STK10: variants seen among roughly 807,000 people sequenced by gnomAD.
STK10 encodes serine/threonine kinase 10, also known as serine/threonine-protein kinase 10.
In STK10, 78 loss-of-function variants were observed where a neutral mutation model predicts 113.8. That is an observed-to-expected ratio of 0.69 (90% confidence interval 0.57 to 0.83). The LOEUF (loss-of-function observed/expected upper bound fraction) is 0.83, where lower values mean the gene tolerates loss of function less well. Among genes scored for constraint, STK10 ranks in the 40% least tolerant of loss-of-function variants. The probability of loss-of-function intolerance (pLI) is 0.00; values close to 1 mark genes in which losing one functional copy is unlikely to be tolerated. For synonymous variants in STK10, 465 were observed against 494.7 expected (o/e 0.94, Z 0.80); for missense variants, 1,109 against 1,280.1 (o/e 0.87, Z 2.04).
At chr5:172,070,989 C>T (rs1048495595) in intron 12 of STK10, among the ~76,000 whole-genome samples, 1 of 151,754 alleles carries the variant, frequency 6.6e-6, no homozygotes, top group African/African-American at 2.4e-5. Context: ...GGGCAGATCA[C>T]CTGAAATCAG....
intron 3 of STK10, among the ~76,000 whole-genome samples, chr5:172,118,878 C>CAAAAAAAAAAA (rs3028101): frequency 0.11 from 7,591 of 70,284 alleles, 618 homozygotes; most frequent in Non-Finnish European, 0.13. Context: ...GACTCAGTCT[C>CAAAAAAAAAAA]AAAAAAAAAA....
Position 172,063,667 on chromosome 5 carries a change from CA to C in STK10, c.2082+1052del, listed in dbSNP as rs1767982439. On this transcript the variant is annotated intron_variant, in intron 13 of 18. Transcript: ENST00000176763. ...TCTTCCTAATCGTGCTGTAATGGGA[CA>C]GACAGGTCATAGGGTGTCCCGGAGA... The C allele has an allele frequency of 2.5e-5, 3 of 119,896 alleles. No individual in the cohort carries two copies. In the South Asian group the frequency reaches 7.8e-4, roughly 31 times the overall value. 7.4% of individuals were successfully genotyped at this position (119,896 alleles called of 1,614,324 possible). A position where few individuals can be genotyped will look rare whatever the true frequency, so the allele number is the denominator to read the frequency against.
At chr5:172,155,945 A>G (rs556130134) in intron 2 of STK10, among the ~76,000 whole-genome samples, 2 of 152,266 alleles carry the variant, frequency 1.3e-5, no homozygotes, top group South Asian at 4.1e-4. Context: ...TAGTGAGCCA[A>G]GATCACACCA....
chr5:172,087,578 G>A (rs1402633965), intron 10 of STK10, among the ~76,000 whole-genome samples: 1 of 149,106 alleles, frequency 6.7e-6, no homozygotes, highest in Non-Finnish European at 1.5e-5. Flanking sequence ...CCTGGCCTAT[G>A]CTTTCATTTT....
At chr5:172,095,457 C>A (rs1481589256) in intron 8 of STK10, among the ~76,000 whole-genome samples, 1 of 152,208 alleles carries the variant, frequency 6.6e-6, no homozygotes, top group Non-Finnish European at 1.5e-5. Context: ...CCACCCCTGG[C>A]CCTGCCATCT....
intron 9 of STK10, among the ~76,000 whole-genome samples, chr5:172,090,845 G>A (rs1768684678): frequency 7.0e-6 from 1 of 143,618 alleles, no homozygotes. Flanking sequence ...TGAGGCAGGA[G>A]AATCACTTGA....
chr5:172,161,084 C>T (rs1245115995), intron 1 of STK10, among the ~76,000 whole-genome samples: 1 of 152,112 alleles, frequency 6.6e-6, no homozygotes, highest in Non-Finnish European at 1.5e-5. Context: ...CTGAAAGTGA[C>T]GAGACAGCAT....
chr5:172,126,926 G>A (rs936689598), intron 3 of STK10, among the ~76,000 whole-genome samples: 3 of 152,218 alleles, frequency 2.0e-5, no homozygotes, highest in East Asian at 3.9e-4. Context: ...AAGGACACAC[G>A]GCTTCTGGAA....
At chr5:172,136,413 T>C (rs1299602251) in intron 2 of STK10, among the ~76,000 whole-genome samples, 2 of 152,246 alleles carry the variant, frequency 1.3e-5, no homozygotes, top group East Asian at 1.9e-4. Context: ...CTGCCCAACA[T>C]GGTGAAACCC....
At chr5:172,163,304 G>T (rs1770504593) in intron 1 of STK10, among the ~76,000 whole-genome samples, 1 of 152,132 alleles carries the variant, frequency 6.6e-6, no homozygotes, top group Non-Finnish European at 1.5e-5. Flanking sequence ...AGCGAGTGGG[G>T]GTGGAGGGTA....
intron 2 of STK10, among the ~76,000 whole-genome samples, chr5:172,137,147 G>A (rs1769879747): frequency 6.6e-6 from 1 of 151,900 alleles, no homozygotes; most frequent in African/African-American, 2.4e-5. Context: ...TTATATCCTG[G>A]GTCTGTTTCT....
intron 2 of STK10, 110 bp from the exon 3 acceptor site, chr5:172,127,531 C>G (rs927873525): frequency 2.9e-5 from 33 of 1,129,076 alleles, no homozygotes; most frequent in Non-Finnish European, 4.1e-5. Flanking sequence ...GCCTGGGTGC[C>G]CCTGCTCTCC....
Position 172,044,858 on chromosome 5 carries a change from G to T in STK10, c.*24C>A. 1.2e-6 allele frequency: 2 copies of T among 1,614,070 alleles called. No homozygotes were observed. Among genetic ancestry groups the T allele is most frequent in the Non-Finnish European group, 1.7e-6 (2 of 1,180,020 alleles). On this transcript the variant is annotated 3_prime_UTR_variant, in exon 19 of 19. Transcript: ENST00000176763. This position sits in a 1 kb window ranked among gnomAD's most constrained non-coding sequence, Gnocchi z 4.5. ...AGAAGGCCCTGGGGCCCACCAAGCTGCCAGCCACAGCCCCGGGCGGTTGTT... is the reference window on the plus strand; with the variant it reads ...AGAAGGCCCTGGGGCCCACCAAGCTTCCAGCCACAGCCCCGGGCGGTTGTT...
intron 12 of STK10, among the ~76,000 whole-genome samples, chr5:172,079,408 T>C (rs1768379941): frequency 6.6e-6 from 1 of 152,196 alleles, no homozygotes; most frequent in South Asian, 2.1e-4. Flanking sequence ...AGCAGATCTC[T>C]CCAGATCTCT....
chr5:172,111,618 T>C (rs1212552993), intron 4 of STK10, among the ~76,000 whole-genome samples: 2 of 152,184 alleles, frequency 1.3e-5, no homozygotes, highest in African/African-American at 4.8e-5. Context: ...CAAAAGGGAT[T>C]TTCACCATGC....
At chr5:172,167,257 A>AC (rs11410472) in intron 1 of STK10, among the ~76,000 whole-genome samples, 60,474 of 151,694 alleles carry the variant, frequency 0.4, 13,182 homozygotes, top group African/African-American at 0.58. Flanking sequence ...AGGTGAAATC[A>AC]CTAAAGACAA....
chr5:172,138,284 G>C (rs1021794886), intron 2 of STK10, among the ~76,000 whole-genome samples: 1 of 152,032 alleles, frequency 6.6e-6, no homozygotes, highest in Non-Finnish European at 1.5e-5. Flanking sequence ...ACCACGCCTG[G>C]CTAATTTTTT....
intron 2 of STK10, among the ~76,000 whole-genome samples, chr5:172,145,092 T>C (rs1475674731): frequency 6.6e-6 from 1 of 152,212 alleles, no homozygotes; most frequent in Non-Finnish European, 1.5e-5. Context: ...TCTGTGCAGA[T>C]GCTAACCGGA....
At chr5:172,109,152 ACT>A (rs1165432984) in intron 4 of STK10, among the ~76,000 whole-genome samples, 4 of 152,100 alleles carry the variant, frequency 2.6e-5, no homozygotes, top group Non-Finnish European at 5.9e-5. Flanking sequence ...AGTTGAATAT[ACT>A]GTCTGGTCAG....
Sources: gnomAD v4.1 joint callset for allele counts (sites outside exome capture counted in the v4.1 genomes callset) on GRCh38, gnomAD v4.1.1 for gene constraint, Gnocchi (gnomAD v3.1) non-coding constraint, MANE v1.5 for transcripts, NCBI Gene and HGNC (gene_info 2026-07-23, HGNC 2026-07-21) for gene names.